SETBP1: variants seen among roughly 807,000 people sequenced by gnomAD.
SETBP1 encodes SET binding protein 1, also known as SET-binding protein.
SETBP1 carries 9 observed loss-of-function variants against 101.0 expected under a neutral mutation model. The observed-to-expected ratio is 0.09, with a 90% CI of 0.05 to 0.16. The LOEUF is 0.16. Among genes scored for constraint, SETBP1 ranks in the 10% least tolerant of loss-of-function variants. The pLI is 1.00. For missense variants in SETBP1, 1,858 were observed against 2,033.8 expected, an observed-to-expected ratio of 0.91 and a Z score of 1.66; for synonymous variants, 818 against 788.5, an observed-to-expected ratio of 1.04 and a Z score of -0.63.
chr18:44,981,377 T>C (rs1323278763), intron 4 of SETBP1, among the ~76,000 whole-genome samples: 2 of 152,188 alleles, frequency 1.3e-5, no homozygotes, highest in East Asian at 3.8e-4. Context: ...AAAAAATCTA[T>C]ATCCAGTCTT....
intron 4 of SETBP1, among the ~76,000 whole-genome samples, chr18:45,031,026 A>G (rs907122418): frequency 1.3e-5 from 2 of 151,436 alleles, no homozygotes; most frequent in African/African-American, 2.4e-5. Flanking sequence ...TTCTGCTCTG[A>G]TCTTAGTTAT....
chr18:44,692,042 G>A (rs1329380844), intron 1 of SETBP1, among the ~76,000 whole-genome samples: 2 of 152,298 alleles, frequency 1.3e-5, no homozygotes, highest in East Asian at 1.9e-4. Context: ...ACAGCTAAAT[G>A]GTCAGGTTAG....
At chr18:44,760,484 C>T (rs978842172) in intron 2 of SETBP1, among the ~76,000 whole-genome samples, 2 of 152,198 alleles carry the variant, frequency 1.3e-5, no homozygotes, top group African/African-American at 4.8e-5. Context: ...TTATTTCTGT[C>T]ATCAAAGGAA....
At chr18:44,725,800 A>G (rs867709443) in intron 2 of SETBP1, among the ~76,000 whole-genome samples, 2 of 152,118 alleles carry the variant, frequency 1.3e-5, no homozygotes, top group African/African-American at 4.8e-5. Context: ...ATTTTCATCA[A>G]CATACCTCCC....
chr18:44,703,448 A>T (rs1222381061), intron 2 of SETBP1, among the ~76,000 whole-genome samples: 1 of 124,114 alleles, frequency 8.1e-6, no homozygotes, highest in African/African-American at 3.2e-5. Flanking sequence ...TTATTTCTTT[A>T]GCACAGGGCT....
chr18:44,800,873 A>C (rs771364596), intron 2 of SETBP1, among the ~76,000 whole-genome samples: 1 of 152,200 alleles, frequency 6.6e-6, no homozygotes, highest in Non-Finnish European at 1.5e-5. Flanking sequence ...AAAGGCTTGG[A>C]ACCAACCCAA....
intron 4 of SETBP1, among the ~76,000 whole-genome samples, chr18:45,009,479 T>C (rs183790513): frequency 9.9e-5 from 15 of 151,940 alleles, no homozygotes; most frequent in African/African-American, 3.1e-4. Context: ...GATTGTAACA[T>C]GCTTGTTGTT....
chr18:44,790,110 A>AGGCT (rs1369363896), intron 2 of SETBP1, among the ~76,000 whole-genome samples: 1 of 152,198 alleles, frequency 6.6e-6, no homozygotes, highest in Non-Finnish European at 1.5e-5. Context: ...CAGGAAGAAC[A>AGGCT]GGCTGTGTTT....
intron 4 of SETBP1, among the ~76,000 whole-genome samples, chr18:44,980,352 G>A (rs1252019872): frequency 6.6e-6 from 1 of 152,064 alleles, no homozygotes; most frequent in African/African-American, 2.4e-5. Context: ...AGTAGGGTTG[G>A]AAATGAGGAA....
rs748268960 is a variant in SETBP1 at position 44,701,450 on chromosome 18, G to T, written c.104G>T (p.Gly35Val). Reference protein sequence around the residue: ...AKPPAAPGCAGEPLLSTPGPG... With the variant: ...AKPPAAPGCAVEPLLSTPGPG... ...CCCCCAGCTGCTCCTGGCTGTGCAG[G>T]AGAACCTTTGCTCTCCACTCCAGGA... is the stretch of plus-strand genomic sequence containing the variant. The change falls in exon 2 of 6, where the codon GGA (glycine) becomes GTA (valine). Residue 35 changes from glycine (G) to valine (V), a missense_variant. Gly to Val is a moderately radical substitution (Grantham distance 109, BLOSUM62 -3). Transcript: ENST00000649279. 6.2e-7 allele frequency: 1 copy of T among 1,612,204 alleles called. No individual in the cohort carries two copies. Among genetic ancestry groups the T allele is most frequent in the Non-Finnish European group, 8.5e-7 (1 of 1,178,832 alleles).
At chr18:44,864,728 C>T (rs1022732102) in intron 2 of SETBP1, among the ~76,000 whole-genome samples, 4 of 152,052 alleles carry the variant, frequency 2.6e-5, no homozygotes, top group South Asian at 2.1e-4. Flanking sequence ...GGGAGCGGTG[C>T]GGACATTTAG....
At chr18:44,969,447 T>C (rs141974636) in intron 4 of SETBP1, among the ~76,000 whole-genome samples, 1 of 152,316 alleles carries the variant, frequency 6.6e-6, no homozygotes, top group East Asian at 1.9e-4. Flanking sequence ...ACACAGAATG[T>C]TCTTTTAAGC....
chr18:44,976,221 T>C (rs185600031), intron 4 of SETBP1, among the ~76,000 whole-genome samples: 13 of 152,218 alleles, frequency 8.5e-5, no homozygotes, highest in African/African-American at 2.6e-4. Flanking sequence ...AGGCGGCAGG[T>C]GCTGAGGAAC....
At chr18:44,808,834 T>A (rs952732363) in intron 2 of SETBP1, among the ~76,000 whole-genome samples, 23 of 152,136 alleles carry the variant, frequency 1.5e-4, no homozygotes, top group African/African-American at 5.6e-4. Context: ...AAAATACCAT[T>A]AACCAGCTAC....
At chr18:45,042,230 A>G (rs2073524343) in intron 5 of SETBP1, among the ~76,000 whole-genome samples, 1 of 145,492 alleles carries the variant, frequency 6.9e-6, no homozygotes, top group South Asian at 2.2e-4. Flanking sequence ...GCTCACTGCA[A>G]CCTCCACCTC....
intron 2 of SETBP1, among the ~76,000 whole-genome samples, chr18:44,734,087 T>C (rs1387142108): frequency 6.6e-6 from 1 of 152,190 alleles, no homozygotes; most frequent in African/African-American, 2.4e-5. Flanking sequence ...TCAGACCCTG[T>C]TGAGGCCTGG....
intron 2 of SETBP1, among the ~76,000 whole-genome samples, chr18:44,750,553 T>C (rs2070359740): frequency 6.6e-6 from 1 of 152,192 alleles, no homozygotes; most frequent in Non-Finnish European, 1.5e-5. Context: ...ATTTGGGTTC[T>C]GGAACTTAAA....
At chr18:44,880,725 C>T (rs1414793828) in intron 3 of SETBP1, among the ~76,000 whole-genome samples, 1 of 152,046 alleles carries the variant, frequency 6.6e-6, no homozygotes, top group Non-Finnish European at 1.5e-5. Flanking sequence ...GCAGAGGTGC[C>T]ACATGTTTTA....
chr18:44,872,136 C>T (rs1039896508), intron 3 of SETBP1: 3 of 152,168 alleles, frequency 2.0e-5, no homozygotes, highest in African/African-American at 7.2e-5. Context: ...GTCTGGTCCC[C>T]TGCATTCCTA....
Sources: gnomAD v4.1 joint callset for allele counts (sites outside exome capture counted in the v4.1 genomes callset) on GRCh38, gnomAD v4.1.1 for gene constraint, MANE v1.5 for transcripts, NCBI Gene and HGNC (gene_info 2026-07-23, HGNC 2026-07-21) for gene names.